MMP2: variants seen among roughly 807,000 people sequenced by gnomAD.
The protein encoded by MMP2 is 72 kDa type IV collagenase.
Under a neutral mutation model 74.8 loss-of-function variants are expected in MMP2, and 39 were observed. The observed-to-expected ratio is 0.52, with a 90% CI of 0.40 to 0.68. The LOEUF (loss-of-function observed/expected upper bound fraction) is 0.68, where lower values mean the gene tolerates loss of function less well. Among genes scored for constraint, MMP2 ranks in the 30% least tolerant of loss-of-function variants. The probability of loss-of-function intolerance (pLI) is 0.00; values close to 1 mark genes in which losing one functional copy is unlikely to be tolerated. For missense variants in MMP2, 803 were observed against 878.3 expected, an observed-to-expected ratio of 0.91 and a Z score of 1.08; for synonymous variants, 367 against 339.8, an observed-to-expected ratio of 1.08 and a Z score of -0.88.
Position 55,479,562 on chromosome 16 carries a change from CCGCCGCGCCGT to C in MMP2, c.88_98del (p.Ala30HisfsTer55). On this transcript the variant is annotated frameshift_variant, in exon 1 of 13. Coordinates refer to ENST00000219070, the MANE Select transcript of MMP2 (RefSeq NM_004530.6). LOFTEE classifies it high-confidence loss of function. ...CTGGGCTGCCTGCTGAGCCACGCCG[CCGCCGCGCCGT>C]CGCCCATCATCAAGTTCCCCGGCGA... 6.2e-7 allele frequency: 1 copy of C among 1,613,178 alleles called. No individual in the cohort carries two copies. The highest frequency in any genetic ancestry group is 8.5e-7 in the Non-Finnish European group (1 of 1,179,930).
Position 55,489,636 on chromosome 16 carries a change from TC to T in MMP2, c.1007-12del. On this transcript the variant is annotated splice_polypyrimidine_tract_variant and intron_variant, in intron 6 of 12. Coordinates refer to ENST00000219070, the MANE Select transcript of MMP2 (RefSeq NM_004530.6). ...ACTCTTTGCTGCGCCTTGACCCGTATCCCTAACCCCACAGCCATGTCCACTG... is the reference window on the plus strand; with the variant it reads ...ACTCTTTGCTGCGCCTTGACCCGTATCCTAACCCCACAGCCATGTCCACTG... 1 of 1,613,868 alleles carries T rather than the reference TC, an allele frequency of 6.2e-7. No individual in the cohort carries two copies. Among genetic ancestry groups the T allele is most frequent in the East Asian group, 2.2e-5 (1 of 44,868 alleles).
intron 11 of MMP2, among the ~76,000 whole-genome samples, chr16:55,502,134 G>A (rs1055487598): frequency 2.0e-5 from 3 of 152,096 alleles, no homozygotes; most frequent in Non-Finnish European, 2.9e-5. Flanking sequence ...GGACTTACAC[G>A]TACCTTCCAC....
In MMP2 at chr16:55,505,355, C is replaced by T. The variant is rs766311584; in HGVS notation, c.1896C>T (p.Phe632=). 5 of 1,614,062 alleles carry T rather than the reference C, an allele frequency of 3.1e-6. No individual in the cohort carries two copies. The highest frequency in any genetic ancestry group is 3.3e-4 in the Middle Eastern group (2 of 6,062). The change falls in exon 13 of 13, where the codon TTC becomes TTT. Residue 632 remains phenylalanine (F), a synonymous_variant. Transcript: ENST00000219070. ...CTATCCCAGGTCACAGCTACTTCTT[C>T]AAGGGTGCCTATTACCTGAAGCTGG... ...DLQGGGHSYF[F]KGAYYLKLEN...
intron 1 of MMP2, among the ~76,000 whole-genome samples, 181 bp from the exon 2 acceptor site, chr16:55,482,728 A>AC (rs1332185102): frequency 1.3e-5 from 2 of 152,194 alleles, no homozygotes; most frequent in African/African-American, 4.8e-5. Context: ...CTGTCGCTCA[A>AC]CTAATGGGTG....
At chr16:55,502,943 C>T (rs1962707819) in intron 12 of MMP2, 55 bp downstream of exon 12, 2 of 1,408,296 alleles carry the variant, frequency 1.4e-6, no homozygotes, top group Admixed American at 3.4e-5. Flanking sequence ...CTAGCCAGGG[C>T]CCAGCTCCTT....
intron 11 of MMP2, among the ~76,000 whole-genome samples, chr16:55,502,347 A>G (rs1469388250): frequency 6.6e-6 from 1 of 152,202 alleles, no homozygotes; most frequent in Admixed American, 6.5e-5. Context: ...ACATTTCTTA[A>G]GTACCTACTA....
chr16:55,488,201 T>C (rs112994749), intron 5 of MMP2: 119 of 340,062 alleles, frequency 3.5e-4, no homozygotes, highest in African/African-American at 2.2e-3. Context: ...TACATCATTA[T>C]TACATGAAAT....
Position 55,505,345 on chromosome 16 carries a change from G to A in MMP2, c.1886G>A (p.Ser629Asn). 1.2e-6 allele frequency: 2 copies of A among 1,613,848 alleles called. No homozygotes were observed. The highest frequency in any genetic ancestry group is 1.7e-6 in the Non-Finnish European group (2 of 1,179,764). Residue 629 changes from serine to asparagine, a missense_variant, in exon 13 of 13, where the codon AGC becomes AAC. Transcript: ENST00000219070. ...AVVDLQGGGHSYFFKGAYYLK... is the reference protein window; with the variant it reads ...AVVDLQGGGHNYFFKGAYYLK... ...TCTTCTTTCTCTATCCCAGGTCACA[G>A]CTACTTCTTCAAGGGTGCCTATTAC...
chr16:55,492,008 T>C (rs779844011), intron 8 of MMP2, 52 bp downstream of exon 8: 2 of 1,551,094 alleles, frequency 1.3e-6, no homozygotes, highest in Non-Finnish European at 1.8e-6. Context: ...GGGGAGGTCA[T>C]GTAGCCTGGG....
At chr16:55,484,547 T>C (rs1454613980) in intron 3 of MMP2, among the ~76,000 whole-genome samples, 1 of 152,260 alleles carries the variant, frequency 6.6e-6, no homozygotes, top group African/African-American at 2.4e-5. Flanking sequence ...CACAGGAGGC[T>C]AGTGACTATT....
intron 5 of MMP2, among the ~76,000 whole-genome samples, chr16:55,486,148 G>A (rs866770): frequency 0.81 from 122,578 of 152,020 alleles, 49,664 homozygotes; most frequent in South Asian, 0.9. Flanking sequence ...TTACACTTCA[G>A]TCAAGATTGA....
intron 6 of MMP2, among the ~76,000 whole-genome samples, chr16:55,488,941 G>A (rs1300613506): frequency 6.6e-6 from 1 of 152,158 alleles, no homozygotes; most frequent in East Asian, 1.9e-4. Flanking sequence ...ATCAACAGTT[G>A]AATTGGTGAC....
chr16:55,493,445 C>T, intron 9 of MMP2, 152 bp downstream of exon 9: 1 of 1,107,354 alleles, frequency 9.0e-7, no homozygotes, highest in Non-Finnish European at 1.4e-6. Flanking sequence ...CAAACAACCT[C>T]CAGGTTTCAG....
chr16:55,482,748 G>A (rs566651679), intron 1 of MMP2, among the ~76,000 whole-genome samples, 161 bp from the exon 2 acceptor site: 2 of 152,314 alleles, frequency 1.3e-5, no homozygotes, highest in Admixed American at 1.3e-4. Flanking sequence ...GACCGTGCTG[G>A]TTTGGGAACC....
In MMP2 at chr16:55,489,794, G is replaced by A. The variant is rs923027761; in HGVS notation, c.1150G>A (p.Asp384Asn). Residue 384 changes from aspartate to asparagine, a missense_variant, in exon 7 of 13, where the codon GAC (aspartate) becomes AAC (asparagine). Asp to Asn is a conservative substitution (Grantham distance 23). This residue lies in a region of MMP2 where 555 missense variants were observed against 592.0 expected (regional missense o/e 0.94). Coordinates refer to ENST00000219070, the MANE Select transcript of MMP2 (RefSeq NM_004530.6). Reference sequence around the variant, plus strand: ...TGCGACCACAGCCAACTACGATGATGACCGCAAGTGGGGCTTCTGCCCTGA... The same window carrying A: ...TGCGACCACAGCCAACTACGATGATAACCGCAAGTGGGGCTTCTGCCCTGA... Reference protein sequence around the residue: ...WCATTANYDDDRKWGFCPDQG... With the variant: ...WCATTANYDDNRKWGFCPDQG... The A allele has an allele frequency of 4.3e-6, 7 of 1,613,952 alleles. No individual in the cohort carries two copies. The highest frequency in any genetic ancestry group is 1.7e-5 in the Admixed American group (1 of 60,004).
intron 9 of MMP2, among the ~76,000 whole-genome samples, chr16:55,494,628 C>T (rs1250315336): frequency 6.6e-6 from 1 of 152,190 alleles, no homozygotes; most frequent in Admixed American, 6.5e-5. Flanking sequence ...TTCAGACCCT[C>T]CTGACTGGAA....
chr16:55,497,040 G>T lies in MMP2; in HGVS notation c.1587G>T (p.Glu529Asp), dbSNP rs928973571. The change falls in exon 10 of 13, where the codon GAG becomes GAT. Residue 529 changes from glutamate to aspartate, a missense_variant. Physicochemically the swap from Glu to Asp is conservative, Grantham distance 45. Around this residue, in one of 3 missense-constraint regions of MMP2, gnomAD observed 555 missense variants for 592.0 expected, o/e 0.94. Coordinates refer to ENST00000219070, the MANE Select transcript of MMP2 (RefSeq NM_004530.6). ...KIDAVYEAPQEEKAVFFAGNE... is the reference protein window; with the variant it reads ...KIDAVYEAPQDEKAVFFAGNE... ...ATGCGGTATACGAGGCCCCACAGGA[G>T]GAGAAGGCTGTGTTCTTTGCAGGTG... The T allele has an allele frequency of 6.2e-7, 1 of 1,614,192 alleles. No individual in the cohort carries two copies. Among genetic ancestry groups the T allele is most frequent in the Non-Finnish European group, 8.5e-7 (1 of 1,180,044 alleles).
intron 7 of MMP2, 115 bp downstream of exon 7, chr16:55,489,939 C>G: frequency 1.6e-6 from 2 of 1,240,540 alleles, no homozygotes; most frequent in Non-Finnish European, 2.3e-6. Context: ...GCCCCCCAGA[C>G]ACCCACCTAC....
In MMP2 at chr16:55,491,970, CG is replaced by C; in HGVS notation, c.1336+19del. ...AGGAGCTCTATGGTAAACCTCCGGG[CG>C]GGGGTTGGGGGTGGAGGGTGAGGAG... On this transcript the variant is annotated intron_variant, in intron 8 of 12. Transcript: ENST00000219070. The C allele has an allele frequency of 1.4e-6, 1 of 715,482 alleles. No individual in the cohort carries two copies. The highest frequency in any genetic ancestry group is 1.8e-5 in the South Asian group (1 of 55,232). 44.3% of individuals were successfully genotyped at this position (715,482 alleles called of 1,614,324 possible). A position where few individuals can be genotyped will look rare whatever the true frequency, so the allele number is the denominator to read the frequency against.
Sources: gnomAD v4.1 joint callset for allele counts (sites outside exome capture counted in the v4.1 genomes callset) on GRCh38, gnomAD v4.1.1 for gene constraint, gnomAD v4.1.1 regional missense constraint, MANE v1.5 for transcripts, NCBI Gene and HGNC (gene_info 2026-07-23, HGNC 2026-07-21) for gene names.